TNKS2: variants seen among roughly 807,000 people sequenced by gnomAD.
TNKS2 encodes the protein poly [ADP-ribose] polymerase tankyrase-2.
In TNKS2, 72 loss-of-function variants were observed where a neutral mutation model predicts 137.6. That is an observed-to-expected ratio of 0.52 (90% CI 0.43 to 0.64). The LOEUF is 0.64. Ranked by LOEUF, TNKS2 falls within the 30% of genes least tolerant of loss-of-function variation. The pLI, the probability that TNKS2 is intolerant of heterozygous loss-of-function variation, is 0.00. For synonymous variants in TNKS2, 516 were observed against 512.1 expected, an observed-to-expected ratio of 1.01 and a Z score of -0.10; for missense variants, 1,049 against 1,410.2, an observed-to-expected ratio of 0.74 and a Z score of 4.10.
At chr10:91,805,734 C>G (rs1589641504) in intron 1 of TNKS2, among the ~76,000 whole-genome samples, 1 of 152,188 alleles carries the variant, frequency 6.6e-6, no homozygotes, top group South Asian at 2.1e-4. Context: ...TTCTAAAATG[C>G]TTGGGTACAT....
intron 2 of TNKS2, among the ~76,000 whole-genome samples, chr10:91,814,602 G>A (rs10881974): frequency 0.52 from 78,598 of 151,998 alleles, 20,763 homozygotes; most frequent in East Asian, 0.72. Context: ...CATGGTAAAT[G>A]TCCTATACAG....
intron 11 of TNKS2, among the ~76,000 whole-genome samples, chr10:91,832,659 T>G (rs943299272): frequency 1.3e-5 from 2 of 152,130 alleles, no homozygotes; most frequent in Non-Finnish European, 2.9e-5. Flanking sequence ...ATTATCCGAT[T>G]CCATGAATAT....
intron 26 of TNKS2, 151 bp from the exon 27 acceptor site, chr10:91,862,786 T>G (rs1283232175): frequency 1.7e-6 from 1 of 575,536 alleles, no homozygotes. Context: ...GTACTCAGGG[T>G]AAAGATGTTT....
intron 21 of TNKS2, among the ~76,000 whole-genome samples, chr10:91,853,505 T>G (rs187049089): frequency 1.3e-5 from 2 of 152,338 alleles, no homozygotes; most frequent in East Asian, 3.9e-4. Context: ...ACACCTGATT[T>G]GCAAAGTGGA....
At chr10:91,809,366 T>C (rs868040976) in intron 1 of TNKS2, among the ~76,000 whole-genome samples, 4 of 152,190 alleles carry the variant, frequency 2.6e-5, no homozygotes, top group African/African-American at 7.2e-5. Flanking sequence ...TCAGTCTTAA[T>C]CTTAGCCCTT....
chr10:91,828,307 G>C lies in TNKS2; in HGVS notation c.1005G>C (p.Leu335Phe). The change falls in exon 9 of 27, where the codon TTG becomes TTC. Residue 335 changes from leucine to phenylalanine, a missense_variant. Transcript: ENST00000371627. ...RLAYEFKGHSLLQAAREADVT... is the reference protein window; with the variant it reads ...RLAYEFKGHSFLQAAREADVT... Reference sequence around the variant, plus strand: ...TAGATGAATTTAAAGGCCACTCGTTGCTGCAAGCTGCACGAGAAGCTGATG... The same window carrying C: ...TAGATGAATTTAAAGGCCACTCGTTCCTGCAAGCTGCACGAGAAGCTGATG... 1.3e-6 allele frequency: 2 copies of C among 1,590,200 alleles called. No homozygotes were observed. The highest frequency in any genetic ancestry group is 1.4e-5 in the African/African-American group (1 of 73,510).
rs1467875955 is a variant in TNKS2 at position 91,865,254 on chromosome 10, C to A, written c.*2255C>A. Reference sequence around the variant, plus strand: ...TCACATTCCATACCCTCATTTAATTCTTAATAAAACTGTTCACTTGTTTTT... The same window carrying A: ...TCACATTCCATACCCTCATTTAATTATTAATAAAACTGTTCACTTGTTTTT... On this transcript the variant is annotated 3_prime_UTR_variant, in exon 27 of 27. Transcript: ENST00000371627. The A allele has an allele frequency of 6.6e-6, 1 of 152,128 alleles. No individual in the cohort carries two copies. The highest frequency in any genetic ancestry group is 6.6e-5 in the Admixed American group (1 of 15,206). The allele number at this position is 152,128 out of a possible 1,614,324, so 9.4% of individuals were successfully genotyped here.
intron 20 of TNKS2, among the ~76,000 whole-genome samples, chr10:91,850,912 A>G (rs1387465571): frequency 2.6e-5 from 4 of 152,252 alleles, no homozygotes; most frequent in South Asian, 4.1e-4. Context: ...ACCACTTGGC[A>G]TAGTCCAGAC....
At chr10:91,814,036 A>T (rs1056877525) in intron 2 of TNKS2, among the ~76,000 whole-genome samples, 1 of 149,422 alleles carries the variant, frequency 6.7e-6, no homozygotes, top group African/African-American at 2.5e-5. Flanking sequence ...CTCAGCAATT[A>T]AAAAAAAAAG....
intron 18 of TNKS2, 33 bp downstream of exon 18, chr10:91,845,973 C>T: frequency 6.9e-7 from 1 of 1,457,780 alleles, no homozygotes; most frequent in Non-Finnish European, 9.2e-7. Context: ...AATCTCAGTG[C>T]TTTTCTGACT....
At chr10:91,849,686 C>A in intron 20 of TNKS2, 92 bp downstream of exon 20, 1 of 919,806 alleles carries the variant, frequency 1.1e-6, no homozygotes, top group South Asian at 2.1e-5. Context: ...ACCATGTAAG[C>A]TATTGGGGGA....
chr10:91,805,424 C>T (rs1407106482), intron 1 of TNKS2, among the ~76,000 whole-genome samples: 1 of 152,176 alleles, frequency 6.6e-6, no homozygotes, highest in South Asian at 2.1e-4. Context: ...CTACCCATAT[C>T]GATCGCCTCA....
chr10:91,847,159 G>A (rs1257585755), intron 18 of TNKS2, among the ~76,000 whole-genome samples: 1 of 152,188 alleles, frequency 6.6e-6, no homozygotes, highest in Non-Finnish European at 1.5e-5. Context: ...AATTGTGAGT[G>A]CAATGGGAAT....
intron 7 of TNKS2, among the ~76,000 whole-genome samples, chr10:91,822,799 C>T (rs1844938259): frequency 6.6e-6 from 1 of 152,038 alleles, no homozygotes; most frequent in Non-Finnish European, 1.5e-5. Flanking sequence ...CTCAAGTGAT[C>T]CACCTGCCTC....
At chr10:91,806,044 T>C (rs919453849) in intron 1 of TNKS2, among the ~76,000 whole-genome samples, 5 of 15,524 alleles carry the variant, frequency 3.2e-4, no homozygotes, top group African/African-American at 1.6e-3. Flanking sequence ...TTCTTTCTCT[T>C]TTTTTTTTTT....
intron 12 of TNKS2, among the ~76,000 whole-genome samples, chr10:91,834,587 G>C (rs921770977): frequency 6.6e-6 from 1 of 152,186 alleles, no homozygotes; most frequent in Non-Finnish European, 1.5e-5. Flanking sequence ...TGAAAGCTCA[G>C]ATGAGAAAAA....
At chr10:91,828,633 T>C (rs1054206967) in intron 9 of TNKS2, among the ~76,000 whole-genome samples, 1 of 152,234 alleles carries the variant, frequency 6.6e-6, no homozygotes, top group Non-Finnish European at 1.5e-5. Context: ...AAAAAAATTA[T>C]TCATATTCTG....
At position 91,834,105 on chromosome 10, in the gene TNKS2, T is replaced by A. The variant is rs1841917441; in HGVS notation, c.1447+81T>A. ...ACATATCAGGTATTATAGGTAGGAG[T>A]TGGTAATAAGAAAAATTGAGAATTT... On this transcript the variant is annotated intron_variant, in intron 12 of 26. Transcript: ENST00000371627. 4 of 1,198,232 alleles carry A rather than the reference T, an allele frequency of 3.3e-6. No individual in the cohort carries two copies. In the Admixed American group the frequency reaches 8.4e-5, roughly 25 times the overall value. The allele number at this position is 1,198,232 out of a possible 1,614,324, so 74.2% of individuals were successfully genotyped here.
chr10:91,804,706 AAT>A (rs1303905282), intron 1 of TNKS2, among the ~76,000 whole-genome samples: 3 of 152,204 alleles, frequency 2.0e-5, no homozygotes, highest in Non-Finnish European at 4.4e-5. Context: ...AGACCATAAC[AAT>A]AGAGATTTTA....
Sources: gnomAD v4.1 joint callset for allele counts (sites outside exome capture counted in the v4.1 genomes callset) on GRCh38, gnomAD v4.1.1 for gene constraint, MANE v1.5 for transcripts, NCBI Gene and HGNC (gene_info 2026-07-23, HGNC 2026-07-21) for gene names.